The following ADAMTS9 variants were observed in gnomAD, a reference collection of about 807,000 sequenced individuals.
The protein encoded by ADAMTS9 is A disintegrin and metalloproteinase with thrombospondin motifs 9.
Under a neutral mutation model 257.1 loss-of-function variants are expected in ADAMTS9, and 107 were observed. That is an observed-to-expected ratio of 0.42 (90% CI 0.36 to 0.49). The LOEUF (loss-of-function observed/expected upper bound fraction) is 0.49, where lower values mean the gene tolerates loss of function less well. ADAMTS9 is among the 20% of genes least tolerant of loss of function. The pLI is 0.03. For missense variants in ADAMTS9, 2,353 were observed against 2,469.1 expected (o/e 0.95, Z 1.00); for synonymous variants, 982 against 880.9 (o/e 1.11, Z -2.03).
intron 19 of ADAMTS9, among the ~76,000 whole-genome samples, chr3:64,617,132 C>T (rs1463128021): frequency 6.6e-6 from 1 of 152,154 alleles, no homozygotes; most frequent in Non-Finnish European, 1.5e-5. Flanking sequence ...TAAAACAATG[C>T]TTTATCTCAT....
At chr3:64,617,295 TTA>T (rs1699982489) in intron 19 of ADAMTS9, among the ~76,000 whole-genome samples, 1 of 152,108 alleles carries the variant, frequency 6.6e-6, no homozygotes, top group Non-Finnish European at 1.5e-5. Context: ...TGTGGAAAGG[TTA>T]TTTTCCATCC....
intron 27 of ADAMTS9, 138 bp downstream of exon 27, chr3:64,596,692 G>T: frequency 9.8e-7 from 1 of 1,022,368 alleles, no homozygotes; most frequent in Non-Finnish European, 1.4e-6. Context: ...AATTTAAGAA[G>T]ACAGGTTTCC....
intron 28 of ADAMTS9, among the ~76,000 whole-genome samples, chr3:64,569,359 G>A (rs570618039): frequency 6.6e-6 from 1 of 152,182 alleles, no homozygotes; most frequent in African/African-American, 2.4e-5. Flanking sequence ...TTACCACTCA[G>A]ATCATAAGCT....
At chr3:64,557,459 A>G (rs2083354782) in intron 30 of ADAMTS9, among the ~76,000 whole-genome samples, 1 of 152,212 alleles carries the variant, frequency 6.6e-6, no homozygotes, top group Admixed American at 6.5e-5. Context: ...AAACAGCCTC[A>G]TGAGCATTAT....
chr3:64,550,764 G>T, intron 31 of ADAMTS9, 128 bp downstream of exon 31: 1 of 1,173,552 alleles, frequency 8.5e-7, no homozygotes, highest in Non-Finnish European at 1.2e-6. Context: ...AAAACACACA[G>T]TTCACAGTGG....
intron 28 of ADAMTS9, among the ~76,000 whole-genome samples, chr3:64,573,138 A>T (rs572796050): frequency 9.2e-5 from 14 of 152,162 alleles, no homozygotes; most frequent in African/African-American, 3.1e-4. Context: ...GCTTAGAAAA[A>T]GCACTAGAAG....
intron 29 of ADAMTS9, 62 bp from the exon 30 acceptor site, chr3:64,561,813 G>C: frequency 6.1e-6 from 7 of 1,149,920 alleles, no homozygotes; most frequent in East Asian, 3.2e-5. Flanking sequence ...GGGGCGGGGG[G>C]TGTCGAGGGT....
intron 3 of ADAMTS9, among the ~76,000 whole-genome samples, chr3:64,668,782 C>G (rs761739350): frequency 6.6e-6 from 1 of 152,104 alleles, no homozygotes; most frequent in Non-Finnish European, 1.5e-5. Flanking sequence ...CACTGCAGCT[C>G]GTGGGTGGCC....
intron 37 of ADAMTS9, among the ~76,000 whole-genome samples, chr3:64,537,601 A>G (rs867969452): frequency 6.6e-6 from 1 of 152,234 alleles, no homozygotes; most frequent in African/African-American, 2.4e-5. Flanking sequence ...TCGTTAAAAC[A>G]ACGTTCAGAT....
In ADAMTS9 at chr3:64,596,959, C is replaced by T. The variant is rs1209177132; in HGVS notation, c.4050G>A (p.Arg1350=). 8 of 1,613,840 alleles carry T rather than the reference C, an allele frequency of 5.0e-6. No homozygotes were observed. Among genetic ancestry groups the T allele is most frequent in the Non-Finnish European group, 6.8e-6 (8 of 1,179,944 alleles). ...CSSTCAGGSQ[R]RVVVCQDENG... ...TTTCATCCTGACATACAACAACACG[C>T]CGCTGGGATCCGCCAGCACAGGTAC... The change falls in exon 27 of 40, where the codon CGG becomes CGA. Residue 1350 remains arginine, a synonymous_variant. Coordinates refer to ENST00000498707, the MANE Select transcript of ADAMTS9 (RefSeq NM_182920.2).
intron 28 of ADAMTS9, among the ~76,000 whole-genome samples, chr3:64,573,701 G>A (rs962142480): frequency 2.0e-5 from 3 of 152,170 alleles, no homozygotes; most frequent in African/African-American, 7.2e-5. Context: ...CATCTGGAAA[G>A]TATGTCATCA....
chr3:64,580,893 T>C (rs2083981832), intron 28 of ADAMTS9, among the ~76,000 whole-genome samples: 2 of 152,158 alleles, frequency 1.3e-5, no homozygotes, highest in Non-Finnish European at 2.9e-5. Context: ...CCAAAATTCA[T>C]GTTTCTAGAA....
At position 64,606,965 on chromosome 3, in the gene ADAMTS9, T is replaced by C; in HGVS notation, c.3469A>G (p.Thr1157Ala). 1 of 1,613,780 alleles carries C rather than the reference T, an allele frequency of 6.2e-7. No homozygotes were observed. Among genetic ancestry groups the C allele is most frequent in the East Asian group, 2.2e-5 (1 of 44,842 alleles). The part of the protein sequence containing the change: ...DCNAATRPTD[T>A]QDCELPSCHP... The stretch of plus-strand genomic sequence containing the variant: ...GTTGGACAAAGGAAACTTACCTGGG[T>C]ATCAGTTGGTCTAGTTGCTGCATTA... The change falls in exon 23 of 40, where the codon ACC becomes GCC. Residue 1157 changes from threonine to alanine, a missense_variant. Coordinates refer to ENST00000498707, the MANE Select transcript of ADAMTS9 (RefSeq NM_182920.2).
chr3:64,525,124 G>C lies in ADAMTS9; in HGVS notation c.5719-2864C>G, dbSNP rs545832038. ...TCCATTATGACAAGACCAATACCTT[G>C]TTAAAACCTGGGAGTATCCAGAACC... On this transcript the variant is annotated intron_variant, in intron 38 of 39. Coordinates refer to ENST00000498707, the MANE Select transcript of ADAMTS9 (RefSeq NM_182920.2). Among the ~76,000 whole-genome samples, 4 of 152,296 alleles carry C rather than the reference G, an allele frequency of 2.6e-5. No homozygotes were observed. The South Asian group carries it at 8.3e-4, about 32-fold the overall frequency.
chr3:64,616,614 A>G (rs1034605610), intron 19 of ADAMTS9, among the ~76,000 whole-genome samples: 11 of 152,326 alleles, frequency 7.2e-5, no homozygotes, highest in African/African-American at 2.6e-4. Context: ...TTGTATCCAT[A>G]CTACCTGTAA....
In ADAMTS9 at chr3:64,683,703, A is replaced by G. The variant is rs548892779; in HGVS notation, c.517-2340T>C. 5.3e-5 allele frequency among the ~76,000 whole-genome samples: 8 copies of G among 152,368 alleles called. No individual in the cohort carries two copies. The South Asian group carries it at 1.2e-3, about 24-fold the overall frequency. Reference sequence around the variant, plus strand: ...GTTGATTCACAAAGGTGGGCCTAAGAGTTATCTTTTCTTGGTTAAGGTGAC... The same window carrying G: ...GTTGATTCACAAAGGTGGGCCTAAGGGTTATCTTTTCTTGGTTAAGGTGAC... On this transcript the variant is annotated intron_variant, in intron 2 of 39. Coordinates refer to ENST00000498707, the MANE Select transcript of ADAMTS9 (RefSeq NM_182920.2).
chr3:64,592,137 A>G (rs962394139), intron 28 of ADAMTS9, among the ~76,000 whole-genome samples: 5 of 152,240 alleles, frequency 3.3e-5, no homozygotes, highest in African/African-American at 9.6e-5. Context: ...TATTACAAAG[A>G]TATTTTAAAG....
intron 36 of ADAMTS9, among the ~76,000 whole-genome samples, chr3:64,540,509 C>T (rs1424375837): frequency 6.6e-6 from 1 of 152,134 alleles, no homozygotes; most frequent in Non-Finnish European, 1.5e-5. Flanking sequence ...TGCACATTGA[C>T]GACTGAATAA....
intron 39 of ADAMTS9, among the ~76,000 whole-genome samples, chr3:64,518,023 A>G (rs1559742343): frequency 6.6e-6 from 1 of 152,200 alleles, no homozygotes; most frequent in Non-Finnish European, 1.5e-5. Context: ...CTAAACAGAG[A>G]TATTTTGCAG....
Sources: gnomAD v4.1 joint callset for allele counts (sites outside exome capture counted in the v4.1 genomes callset) on GRCh38, gnomAD v4.1.1 for gene constraint, MANE v1.5 for transcripts, NCBI Gene and HGNC (gene_info 2026-07-23, HGNC 2026-07-21) for gene names.